AGBL1: variants seen among roughly 807,000 people sequenced by gnomAD.
AGBL1 encodes AGBL carboxypeptidase 1.
In AGBL1, 130 loss-of-function variants were observed where a neutral mutation model predicts 118.9. That is an observed-to-expected ratio of 1.09 (90% CI 0.95 to 1.26). The LOEUF is 1.26. AGBL1 is among the 50% of genes most tolerant of loss of function. AGBL1 has a pLI of 0.00. For synonymous variants in AGBL1, 555 were observed against 478.9 expected, an observed-to-expected ratio of 1.16 and a Z score of -2.08; for missense variants, 1,584 against 1,298.1, an observed-to-expected ratio of 1.22 and a Z score of -3.38.
chr15:87,024,638 A>G (rs1404810818), intron 24 of AGBL1, among the ~76,000 whole-genome samples: 1 of 152,050 alleles, frequency 6.6e-6, no homozygotes, highest in African/African-American at 2.4e-5. Flanking sequence ...AAATCATTCT[A>G]TGAAGCCAGT....
intron 22 of AGBL1, among the ~76,000 whole-genome samples, chr15:86,813,655 A>G (rs2078822304): frequency 6.6e-6 from 1 of 152,286 alleles, no homozygotes; most frequent in Non-Finnish European, 1.5e-5. Context: ...GGGTGGCAGC[A>G]TTATTGTTCT....
At chr15:86,263,005 A>G in intron 10 of AGBL1, 111 bp downstream of exon 10, 2 of 773,138 alleles carry the variant, frequency 2.6e-6, no homozygotes, top group Admixed American at 2.3e-5. Context: ...ATCATTAGCC[A>G]TATGCTTCTG....
chr15:86,577,247 T>C (rs1429431972), intron 21 of AGBL1, among the ~76,000 whole-genome samples: 1 of 152,150 alleles, frequency 6.6e-6, no homozygotes, highest in Non-Finnish European at 1.5e-5. Context: ...CAAAAGTGAC[T>C]CTTGTTATGT....
chr15:86,867,035 A>T (rs146269297), intron 22 of AGBL1, among the ~76,000 whole-genome samples: 108 of 152,304 alleles, frequency 7.1e-4, no homozygotes, highest in African/African-American at 2.4e-3. Flanking sequence ...CCTAGGAGAC[A>T]TCTATCATAT....
chr15:86,871,870 A>AT (rs2079733458), intron 22 of AGBL1, among the ~76,000 whole-genome samples: 1 of 152,170 alleles, frequency 6.6e-6, no homozygotes, highest in Non-Finnish European at 1.5e-5. Flanking sequence ...AAATAAAATG[A>AT]TTGGTTGAAT....
intron 22 of AGBL1, among the ~76,000 whole-genome samples, chr15:86,794,492 C>T (rs1009252958): frequency 2.0e-5 from 3 of 152,002 alleles, no homozygotes; most frequent in Non-Finnish European, 4.4e-5. Flanking sequence ...CTGGGTTTCT[C>T]CTTAGAGTAA....
At chr15:86,238,946 C>T (rs935332393) in intron 6 of AGBL1, among the ~76,000 whole-genome samples, 1 of 152,100 alleles carries the variant, frequency 6.6e-6, no homozygotes, top group Admixed American at 6.6e-5. Flanking sequence ...GCCCCTTTCT[C>T]TTCATAGGTG....
intron 22 of AGBL1, among the ~76,000 whole-genome samples, chr15:86,736,803 G>T (rs2077607738): frequency 6.6e-6 from 1 of 152,024 alleles, no homozygotes; most frequent in Non-Finnish European, 1.5e-5. Flanking sequence ...TGCTTATGAG[G>T]GTACCCTTTG....
intron 17 of AGBL1, among the ~76,000 whole-genome samples, chr15:86,371,994 T>A (rs1016870612): frequency 2.6e-5 from 4 of 152,204 alleles, no homozygotes; most frequent in African/African-American, 7.2e-5. Flanking sequence ...ACATTTCTTA[T>A]GCTCCTTTGC....
At chr15:86,661,385 AACTCCT>A (rs1456174181) in intron 21 of AGBL1, among the ~76,000 whole-genome samples, 1 of 151,964 alleles carries the variant, frequency 6.6e-6, no homozygotes, top group Admixed American at 6.6e-5. Flanking sequence ...TTTTTTTCCC[AACTCCT>A]AAAACAGAGT....
At chr15:86,723,493 C>T (rs866508164) in intron 22 of AGBL1, among the ~76,000 whole-genome samples, 43 of 151,876 alleles carry the variant, frequency 2.8e-4, no homozygotes, top group Middle Eastern at 3.2e-3. Context: ...CATCACACAC[C>T]GGGGACTATT....
intron 6 of AGBL1, among the ~76,000 whole-genome samples, chr15:86,231,383 A>G (rs894121902): frequency 1.3e-5 from 2 of 152,234 alleles, no homozygotes; most frequent in African/African-American, 2.4e-5. Context: ...AAATTGTGGC[A>G]TGATTATAGA....
chr15:86,579,738 G>A (rs932476688), intron 21 of AGBL1, among the ~76,000 whole-genome samples: 2 of 152,178 alleles, frequency 1.3e-5, no homozygotes, highest in African/African-American at 4.8e-5. Context: ...GGGGCAGGGA[G>A]ACCAGTCAGA....
downstream of AGBL1, among the ~76,000 whole-genome samples, chr15:86,919,487 C>T (rs1366472870): frequency 6.6e-6 from 1 of 151,740 alleles, no homozygotes; most frequent in Non-Finnish European, 1.5e-5. Flanking sequence ...TAAGGAAAAA[C>T]AGAGCCCAGC....
chr15:86,280,859 A>C (rs1208298562), intron 16 of AGBL1, among the ~76,000 whole-genome samples: 1 of 152,176 alleles, frequency 6.6e-6, no homozygotes, highest in African/African-American at 2.4e-5. Context: ...GCCTAAAGAG[A>C]GATTTTTACT....
intron 6 of AGBL1, among the ~76,000 whole-genome samples, chr15:86,245,038 C>T (rs748940822): frequency 2.0e-4 from 30 of 152,130 alleles, no homozygotes; most frequent in Non-Finnish European, 3.7e-4. Context: ...GAATAAAGCT[C>T]GTCACTCTCT....
At chr15:86,580,051 TGATA>T (rs1156377750) in intron 21 of AGBL1, among the ~76,000 whole-genome samples, 2 of 152,310 alleles carry the variant, frequency 1.3e-5, no homozygotes, top group East Asian at 3.9e-4. Flanking sequence ...GTGTTTGGCT[TGATA>T]GATAAAGTCC....
chr15:86,196,499 C>T (rs552930177), intron 5 of AGBL1, among the ~76,000 whole-genome samples: 4 of 152,224 alleles, frequency 2.6e-5, no homozygotes, highest in African/African-American at 4.8e-5. Flanking sequence ...GGGTATTAGC[C>T]TTATTCCTAC....
chr15:86,634,615 T>A (rs1053924819), intron 21 of AGBL1, among the ~76,000 whole-genome samples: 19 of 152,200 alleles, frequency 1.2e-4, no homozygotes, highest in Admixed American at 1.0e-3. Flanking sequence ...GATGAAAATT[T>A]TCTAAAATTA....
Sources: gnomAD v4.1 joint callset for allele counts (sites outside exome capture counted in the v4.1 genomes callset) on GRCh38, gnomAD v4.1.1 for gene constraint, MANE v1.5 for transcripts, NCBI Gene and HGNC (gene_info 2026-07-23, HGNC 2026-07-21) for gene names.